The following PELI2 variants were observed in gnomAD, a reference collection of about 807,000 sequenced individuals.
PELI2 encodes pellino E3 ubiquitin protein ligase family member 2.
PELI2 carries 23 observed loss-of-function variants against 42.3 expected under a neutral mutation model. The observed-to-expected ratio is 0.54, with a 90% confidence interval of 0.39 to 0.77. PELI2 has a LOEUF of 0.77. Among genes scored for constraint, PELI2 ranks in the 30% least tolerant of loss-of-function variants. The pLI, the probability that PELI2 is intolerant of heterozygous loss-of-function variation, is 0.00. For missense variants in PELI2, 463 were observed against 553.2 expected (o/e 0.84, Z 1.64); for synonymous variants, 245 against 212.2 (o/e 1.15, Z -1.34).
At chr14:56,238,784 C>T (rs889402535) in intron 2 of PELI2, among the ~76,000 whole-genome samples, 5 of 152,150 alleles carry the variant, frequency 3.3e-5, no homozygotes, top group East Asian at 1.9e-4. Context: ...TCCGGGCCCA[C>T]GAACATATTT....
At chr14:56,166,847 GC>G (rs1435300109) in intron 1 of PELI2, among the ~76,000 whole-genome samples, 2 of 152,060 alleles carry the variant, frequency 1.3e-5, no homozygotes, top group Non-Finnish European at 2.9e-5. Context: ...GAGTGCAGTG[GC>G]ACGATCTCAG....
At chr14:56,139,071 C>T (rs904129853) in intron 1 of PELI2, among the ~76,000 whole-genome samples, 4 of 152,198 alleles carry the variant, frequency 2.6e-5, no homozygotes, top group African/African-American at 9.6e-5. Context: ...GGGGGACTCA[C>T]TGAATAAGCC....
intron 5 of PELI2, among the ~76,000 whole-genome samples, chr14:56,291,221 T>C (rs1889816156): frequency 6.6e-6 from 1 of 152,196 alleles, no homozygotes; most frequent in Non-Finnish European, 1.5e-5. Context: ...AGAACAAATG[T>C]CTTTTTCTAG....
intron 2 of PELI2, among the ~76,000 whole-genome samples, chr14:56,226,080 A>AT (rs1555349167): frequency 2.0e-5 from 3 of 151,600 alleles, no homozygotes; most frequent in African/African-American, 7.3e-5. Flanking sequence ...AACAGGAAAA[A>AT]AAAAAGAAGA....
intron 1 of PELI2, among the ~76,000 whole-genome samples, chr14:56,157,443 T>TGTA (rs1432443291): frequency 6.6e-6 from 1 of 152,232 alleles, no homozygotes; most frequent in Non-Finnish European, 1.5e-5. Flanking sequence ...GATGAATCCA[T>TGTA]GTAGCATCAA....
chr14:56,237,898 C>T (rs1271199295), intron 2 of PELI2, among the ~76,000 whole-genome samples: 1 of 151,770 alleles, frequency 6.6e-6, no homozygotes, highest in Non-Finnish European at 1.5e-5. Flanking sequence ...ACTCCTCCTA[C>T]CCCCAACCCT....
chr14:56,257,129 A>G (rs1272404188), intron 2 of PELI2, among the ~76,000 whole-genome samples: 2 of 152,204 alleles, frequency 1.3e-5, no homozygotes, highest in African/African-American at 4.8e-5. Flanking sequence ...AATTACCTTG[A>G]TAACAAATAA....
chr14:56,287,652 G>C (rs112119467), intron 3 of PELI2, among the ~76,000 whole-genome samples: 6,857 of 152,072 alleles, frequency 0.045, 213 homozygotes, highest in Non-Finnish European at 0.065. Context: ...AGAAATTAAG[G>C]GTGATAAAAA....
chr14:56,150,274 C>G (rs1047470281), intron 1 of PELI2, among the ~76,000 whole-genome samples: 5 of 152,170 alleles, frequency 3.3e-5, no homozygotes, highest in African/African-American at 1.2e-4. Context: ...TGAAGGAAAC[C>G]ATTTCCCCAC....
chr14:56,286,031 C>T (rs1042463678), intron 3 of PELI2, among the ~76,000 whole-genome samples: 1 of 152,124 alleles, frequency 6.6e-6, no homozygotes, highest in Non-Finnish European at 1.5e-5. Context: ...TTCTCAAGTA[C>T]TCATTTTTAT....
At position 56,248,371 on chromosome 14, in the gene PELI2, C is replaced by CT. The variant is rs951574616; in HGVS notation, c.208-31294dup. On this transcript the variant is annotated intron_variant, in intron 2 of 5. Transcript: ENST00000267460. ...AGTGAGAGAATACAGATCATTATTC[C>CT]TTTTTTTTTTTAATCTGAAAGAATT... Among the ~76,000 whole-genome samples the CT allele has an allele frequency of 2.4e-3, 352 of 148,970 alleles. 2 individuals are homozygous for CT. The highest frequency in any genetic ancestry group is 7.7e-3 in the African/African-American group (312 of 40,488).
chr14:56,234,353 A>G (rs1887703442), intron 2 of PELI2, among the ~76,000 whole-genome samples: 1 of 152,242 alleles, frequency 6.6e-6, no homozygotes, highest in Admixed American at 6.5e-5. Context: ...AACCAGCCCA[A>G]ATGTCCATCA....
intron 1 of PELI2, among the ~76,000 whole-genome samples, chr14:56,156,704 A>T (rs1021599614): frequency 6.6e-6 from 1 of 152,234 alleles, no homozygotes; most frequent in African/African-American, 2.4e-5. Flanking sequence ...TATGGCTAGT[A>T]TGGAGAGCTA....
rs1890150701 is a variant in PELI2, at chr14:56,300,809, A to G, written c.*3643A>G. The stretch of plus-strand genomic sequence containing the variant: ...CCCAGTAGTTTAGCCTTTGTGGCTT[A>G]GGTTATGATGCGCCTCCTTCTGTGC... On this transcript the variant is annotated 3_prime_UTR_variant, in exon 6 of 6. Transcript: ENST00000267460. The G allele has an allele frequency of 6.6e-6, 1 of 152,212 alleles. No individual in the cohort carries two copies. The highest frequency in any genetic ancestry group is 1.5e-5 in the Non-Finnish European group (1 of 68,036). The allele number at this position is 152,212 out of a possible 1,614,324, so 9.4% of individuals were successfully genotyped here.
At chr14:56,192,963 A>G (rs1028397642) in intron 2 of PELI2, among the ~76,000 whole-genome samples, 3 of 152,230 alleles carry the variant, frequency 2.0e-5, no homozygotes, top group African/African-American at 7.2e-5. Context: ...TTCATTTTAA[A>G]AAGCTGCATT....
chr14:56,168,377 CAA>C (rs112692770), intron 1 of PELI2, among the ~76,000 whole-genome samples: 2 of 152,150 alleles, frequency 1.3e-5, no homozygotes, highest in Non-Finnish European at 2.9e-5. Context: ...AGTTGGCCCT[CAA>C]ACTAGAAGGT....
intron 2 of PELI2, among the ~76,000 whole-genome samples, chr14:56,200,909 A>T (rs993581071): frequency 5.3e-5 from 8 of 152,192 alleles, no homozygotes; most frequent in African/African-American, 1.7e-4. Context: ...ATTAAATGGA[A>T]CTGTCTAAAG....
chr14:56,152,348 A>C (rs1445529373), intron 1 of PELI2, among the ~76,000 whole-genome samples: 3 of 152,224 alleles, frequency 2.0e-5, no homozygotes, highest in Non-Finnish European at 2.9e-5. Context: ...GGGAGGACAC[A>C]TGAAGGATTC....
At chr14:56,238,750 C>G (rs1439428142) in intron 2 of PELI2, among the ~76,000 whole-genome samples, 2 of 152,264 alleles carry the variant, frequency 1.3e-5, no homozygotes, top group East Asian at 1.9e-4. Context: ...AAGCTTGTAT[C>G]TAAAAGCCAG....
Sources: allele counts gnomAD v4.1 joint callset (sites outside exome capture counted in the v4.1 genomes callset), GRCh38; gene constraint gnomAD v4.1.1; transcripts MANE v1.5; gene names NCBI Gene and HGNC (gene_info 2026-07-23, HGNC 2026-07-21).